RARB: variants seen among roughly 807,000 people sequenced by gnomAD.
The protein encoded by RARB is retinoic acid receptor beta.
Under a neutral mutation model 51.9 loss-of-function variants are expected in RARB, and 17 were observed. The ratio of observed to expected loss-of-function variants is 0.33; its 90% CI spans 0.22 to 0.49. RARB has a LOEUF of 0.49. RARB is among the 20% of genes least tolerant of loss of function. The probability of loss-of-function intolerance (pLI) is 0.99; values close to 1 mark genes in which losing one functional copy is unlikely to be tolerated. For synonymous variants in RARB, 215 were observed against 195.4 expected (o/e 1.10, Z -0.84); for missense variants, 369 against 550.8 (o/e 0.67, Z 3.30).
At chr3:25,382,112 C>A (rs1224538960) in intron 5 of RARB, among the ~76,000 whole-genome samples, 1 of 152,238 alleles carries the variant, frequency 6.6e-6, no homozygotes, top group East Asian at 1.9e-4. Flanking sequence ...TTGCTTGTTT[C>A]TTTGGGCTCA....
rs151038568 is a variant in RARB at position 25,247,439 on chromosome 3, G to A, written c.178+72864G>A. ...CCCAGTTTAGTGCTTGAAACTCGGGGCCCATGTGGTGTAGGCACACAAGGG... is the reference window on the plus strand; with the variant it reads ...CCCAGTTTAGTGCTTGAAACTCGGGACCCATGTGGTGTAGGCACACAAGGG... On this transcript the variant is annotated intron_variant, in intron 5 of 11. Transcript: ENST00000383772. Among the ~76,000 whole-genome samples the A allele has an allele frequency of 2.0e-3, 308 of 152,316 alleles. 1 individual carries two copies. Among genetic ancestry groups the A allele is most frequent in the African/African-American group, 6.6e-3 (274 of 41,556 alleles).
intron 2 of RARB, among the ~76,000 whole-genome samples, chr3:24,908,021 T>C (rs1321048424): frequency 1.3e-5 from 2 of 152,142 alleles, no homozygotes; most frequent in Non-Finnish European, 2.9e-5. Context: ...TTGTTATCTT[T>C]ATCAACATCC....
At chr3:25,473,157 C>G (rs1218255307) in intron 2 of RARB, among the ~76,000 whole-genome samples, 1 of 152,156 alleles carries the variant, frequency 6.6e-6, no homozygotes, top group Non-Finnish European at 1.5e-5. Context: ...ATTAGAATTT[C>G]TCTTGTGCCT....
chr3:25,391,545 A>G (rs1255365824), intron 5 of RARB, among the ~76,000 whole-genome samples: 1 of 152,180 alleles, frequency 6.6e-6, no homozygotes, highest in African/African-American at 2.4e-5. Context: ...TGCCACATCC[A>G]TACCAGCATC....
At chr3:25,506,408 C>G (rs1292235242) in intron 3 of RARB, among the ~76,000 whole-genome samples, 1 of 152,074 alleles carries the variant, frequency 6.6e-6, no homozygotes, top group African/African-American at 2.4e-5. Context: ...TAGTTTGAGA[C>G]CAGCCTGGGC....
At chr3:25,288,863 T>C (rs1703716847) in intron 5 of RARB, among the ~76,000 whole-genome samples, 1 of 152,208 alleles carries the variant, frequency 6.6e-6, no homozygotes, top group African/African-American at 2.4e-5. Flanking sequence ...TGTTCTCTTC[T>C]TCTTAGCCCT....
At chr3:25,005,476 T>A (rs1031729651) in intron 2 of RARB, among the ~76,000 whole-genome samples, 1 of 152,158 alleles carries the variant, frequency 6.6e-6, no homozygotes, top group Non-Finnish European at 1.5e-5. Context: ...TAGTGCTGAT[T>A]GTAGGCAGAA....
chr3:24,924,403 TTC>T (rs1044703387), intron 2 of RARB, among the ~76,000 whole-genome samples: 2 of 152,146 alleles, frequency 1.3e-5, no homozygotes, highest in African/African-American at 4.8e-5. Flanking sequence ...CAAGAGAACT[TTC>T]TGTGACAATG....
intron 5 of RARB, among the ~76,000 whole-genome samples, chr3:25,266,862 C>G (rs1401128714): frequency 6.6e-6 from 1 of 152,218 alleles, no homozygotes; most frequent in African/African-American, 2.4e-5. Context: ...TCTGACCATG[C>G]TGGTCTCCGA....
At chr3:24,880,370 A>T (rs979996757) in intron 2 of RARB, among the ~76,000 whole-genome samples, 1 of 152,130 alleles carries the variant, frequency 6.6e-6, no homozygotes, top group African/African-American at 2.4e-5. Flanking sequence ...GGCAACACGA[A>T]TCTGTAATTA....
At chr3:25,104,399 G>A (rs1045442922) in intron 3 of RARB, among the ~76,000 whole-genome samples, 1 of 152,176 alleles carries the variant, frequency 6.6e-6, no homozygotes, top group Admixed American at 6.5e-5. Flanking sequence ...GGGGATGGGG[G>A]TGGAGGGAGA....
chr3:25,539,059 C>T (rs907806237), intron 3 of RARB, among the ~76,000 whole-genome samples: 5 of 152,174 alleles, frequency 3.3e-5, no homozygotes, highest in African/African-American at 1.2e-4. Flanking sequence ...GAACAGACAA[C>T]CGTTAATGAC....
chr3:24,859,745 C>T (rs1271492980), intron 2 of RARB, among the ~76,000 whole-genome samples: 2 of 152,194 alleles, frequency 1.3e-5, no homozygotes, highest in Non-Finnish European at 1.5e-5. Flanking sequence ...AAGGACTAGA[C>T]AGTAAATATT....
intron 2 of RARB, among the ~76,000 whole-genome samples, chr3:24,889,388 T>G (rs560519349): frequency 2.0e-4 from 31 of 152,194 alleles, no homozygotes; most frequent in Admixed American, 1.5e-3. Flanking sequence ...AAAAATGATG[T>G]GTTTGCAACC....
chr3:25,452,407 C>T (rs1414309360), intron 1 of RARB, among the ~76,000 whole-genome samples: 7 of 115,468 alleles, frequency 6.1e-5, no homozygotes, highest in African/African-American at 2.9e-4. Context: ...TAAGCCCAGA[C>T]AGGTGTAGCT....
At chr3:25,025,200 A>G (rs1697722245) in intron 2 of RARB, 1 of 152,158 alleles carries the variant, frequency 6.6e-6, no homozygotes, top group Admixed American at 6.5e-5. Context: ...CAGGAATTAG[A>G]ACATTTTCAT....
chr3:25,274,370 GCCCT>G (rs200667696), intron 5 of RARB, among the ~76,000 whole-genome samples: 2,578 of 152,222 alleles, frequency 0.017, 81 homozygotes, highest in African/African-American at 0.058. Context: ...ACAGGGTGGT[GCCCT>G]TCCAGTCCCT....
chr3:24,909,493 G>T (rs142073338), intron 2 of RARB, among the ~76,000 whole-genome samples: 1 of 152,026 alleles, frequency 6.6e-6, no homozygotes, highest in Admixed American at 6.6e-5. Flanking sequence ...TGTCTCCTAC[G>T]TTCCTCCTCG....
At chr3:25,122,335 T>C (rs1337182913) in intron 3 of RARB, among the ~76,000 whole-genome samples, 1 of 151,954 alleles carries the variant, frequency 6.6e-6, no homozygotes, top group Non-Finnish European at 1.5e-5. Context: ...CTGTTATTGT[T>C]TCAAGTGCTT....
Sources: allele counts gnomAD v4.1 joint callset (sites outside exome capture counted in the v4.1 genomes callset), GRCh38; gene constraint gnomAD v4.1.1; transcripts MANE v1.5; gene names NCBI Gene and HGNC (gene_info 2026-07-23, HGNC 2026-07-21).